The following ADAMTS2 variants were observed in gnomAD, a reference collection of about 807,000 sequenced individuals.
The protein encoded by ADAMTS2 is ADAM metallopeptidase with thrombospondin type 1 motif 2.
A neutral mutation model predicts 123.0 loss-of-function variants in ADAMTS2; 50 were observed. That is an observed-to-expected ratio of 0.41 (90% confidence interval 0.32 to 0.51). The LOEUF is 0.51. ADAMTS2 is among the 20% of genes least tolerant of loss of function. The pLI is 0.35. For missense variants in ADAMTS2, 1,494 were observed against 1,705.2 expected (o/e 0.88, Z 2.18); for synonymous variants, 678 against 695.4 (o/e 0.98, Z 0.39).
chr5:179,206,039 G>GT (rs1260783670), intron 4 of ADAMTS2, among the ~76,000 whole-genome samples: 2 of 152,152 alleles, frequency 1.3e-5, no homozygotes, highest in Non-Finnish European at 1.5e-5. Flanking sequence ...GATTACAGGC[G>GT]TGAGCCACCG....
intron 4 of ADAMTS2, among the ~76,000 whole-genome samples, chr5:179,195,625 G>A (rs1764408843): frequency 6.6e-6 from 1 of 152,234 alleles, no homozygotes; most frequent in Admixed American, 6.5e-5. Flanking sequence ...GGTCGCCCGA[G>A]TCCCCACCAC....
chr5:179,341,793 A>G (rs1374050695), intron 2 of ADAMTS2, among the ~76,000 whole-genome samples: 1 of 152,042 alleles, frequency 6.6e-6, no homozygotes, highest in African/African-American at 2.4e-5. Context: ...ACAGCATTCA[A>G]TGCCGCTCAG....
intron 3 of ADAMTS2, among the ~76,000 whole-genome samples, chr5:179,245,040 A>C (rs1033876517): frequency 6.6e-6 from 1 of 152,240 alleles, no homozygotes. Flanking sequence ...GTAAAGGAAA[A>C]TTAACATTGT....
chr5:179,339,548 G>GTGACAAGT (rs969460676), intron 2 of ADAMTS2, among the ~76,000 whole-genome samples: 19 of 152,214 alleles, frequency 1.2e-4, no homozygotes, highest in Non-Finnish European at 2.2e-4. Context: ...AAGTCTTAAG[G>GTGACAAGT]TGACAAGTAT....
rs893001254 is a variant in ADAMTS2, at chr5:179,117,276, G to A, written c.3179-2952C>T. ...TACCCCATAGGCTTTGACAAAGGAGGGAGCCTGGGCCTGATGGTGCTGGGA... is the reference window on the plus strand; with the variant it reads ...TACCCCATAGGCTTTGACAAAGGAGAGAGCCTGGGCCTGATGGTGCTGGGA... On this transcript the variant is annotated intron_variant, in intron 21 of 21. Coordinates refer to ENST00000251582, the MANE Select transcript of ADAMTS2 (RefSeq NM_014244.5). This position sits in a 1 kb window ranked among gnomAD's most constrained non-coding sequence, Gnocchi z 4.2. 6.6e-6 allele frequency among the ~76,000 whole-genome samples: 1 copy of A among 152,174 alleles called. No individual in the cohort carries two copies. Among genetic ancestry groups the A allele is most frequent in the Non-Finnish European group, 1.5e-5 (1 of 68,046 alleles).
chr5:179,252,230 G>C (rs1395115320), intron 3 of ADAMTS2, among the ~76,000 whole-genome samples: 1 of 151,832 alleles, frequency 6.6e-6, no homozygotes, highest in Non-Finnish European at 1.5e-5. Flanking sequence ...GGCTGGTCTC[G>C]AACCCCTGAG....
chr5:179,337,057 C>T (rs1581290939), intron 2 of ADAMTS2, among the ~76,000 whole-genome samples: 2 of 152,330 alleles, frequency 1.3e-5, no homozygotes, highest in South Asian at 4.1e-4. Flanking sequence ...GAGCCAGCTC[C>T]GGGCTCGGTA....
chr5:179,338,731 C>T (rs1478773951), intron 2 of ADAMTS2, among the ~76,000 whole-genome samples: 2 of 152,124 alleles, frequency 1.3e-5, no homozygotes, highest in Admixed American at 6.5e-5. Context: ...TAAGTGAAGG[C>T]GTGACATGAG....
intron 2 of ADAMTS2, among the ~76,000 whole-genome samples, chr5:179,289,257 T>C (rs529216081): frequency 1.3e-5 from 2 of 151,924 alleles, no homozygotes; most frequent in Non-Finnish European, 1.5e-5. Context: ...CTGGGGCAAT[T>C]TGAACACAAT....
chr5:179,251,463 TGA>T (rs1314572717), intron 3 of ADAMTS2, among the ~76,000 whole-genome samples: 1 of 152,058 alleles, frequency 6.6e-6, no homozygotes, highest in Non-Finnish European at 1.5e-5. Flanking sequence ...GGTCTGCAGA[TGA>T]GAGTCAGAAA....
chr5:179,337,835 C>G (rs26810), intron 2 of ADAMTS2, among the ~76,000 whole-genome samples: 2 of 139,774 alleles, frequency 1.4e-5, no homozygotes, highest in Non-Finnish European at 3.2e-5. Context: ...TGGGTGAGGA[C>G]CTGGCCTTCA....
At chr5:179,146,265 C>G (rs11951329) in intron 10 of ADAMTS2, among the ~76,000 whole-genome samples, 27,051 of 152,208 alleles carry the variant, frequency 0.18, 2,943 homozygotes, top group African/African-American at 0.3. Context: ...CAGCACTTGG[C>G]CCTGGCATAT....
rs1757029156 is a variant in ADAMTS2, at chr5:179,317,359, G to A, written c.534+26408C>T. Among the ~76,000 whole-genome samples, 1 of 152,200 alleles carries A rather than the reference G, an allele frequency of 6.6e-6. No individual in the cohort carries two copies. On this transcript the variant is annotated intron_variant, in intron 2 of 21. Transcript: ENST00000251582. The surrounding 1 kb of genome is among the most constrained non-coding windows in gnomAD (Gnocchi z 4.9). ...AATATCACACATCTCATCCAAGCCT[G>A]CTCGGACGCTGCCCTTCTGACCCCG...
In ADAMTS2 at chr5:179,225,095, C is replaced by T. The variant is rs565525954; in HGVS notation, c.689-17380G>A. ...GATGTGTTTTATGGTGGAATCCTCA[C>T]GCAGGGGCCTGAGGAACACTCCCTG... On this transcript the variant is annotated intron_variant, in intron 3 of 21. Transcript: ENST00000251582. The surrounding 1 kb of genome is among the most constrained non-coding windows in gnomAD (Gnocchi z 4.5). 7.9e-5 allele frequency among the ~76,000 whole-genome samples: 12 copies of T among 152,268 alleles called. No individual in the cohort carries two copies. Among genetic ancestry groups the T allele is most frequent in the South Asian group, 2.1e-4 (1 of 4,828 alleles).
intron 2 of ADAMTS2, among the ~76,000 whole-genome samples, chr5:179,284,021 T>C (rs894861412): frequency 6.7e-6 from 1 of 150,100 alleles, no homozygotes; most frequent in African/African-American, 2.4e-5. Context: ...GACAGAGAGA[T>C]ACCCTGTCTC....
intron 2 of ADAMTS2, among the ~76,000 whole-genome samples, chr5:179,319,190 GACGCATGCAC>G (rs58775374): frequency 0.016 from 2,430 of 151,490 alleles, 54 homozygotes; most frequent in African/African-American, 0.056. Flanking sequence ...GCACCATGCA[GACGCATGCAC>G]ACACACATCA....
At chr5:179,315,576 G>A (rs557780582) in intron 2 of ADAMTS2, among the ~76,000 whole-genome samples, 86 of 152,350 alleles carry the variant, frequency 5.6e-4, no homozygotes, top group Non-Finnish European at 1.0e-3. Context: ...CTCCACCTCC[G>A]GGGACACGAG....
In ADAMTS2 at chr5:179,317,101, A is replaced by T. The variant is rs1474287399; in HGVS notation, c.534+26666T>A. ...CAGACAATTACAGGAACACAAGGAC[A>T]AAGCCCAGAGCCCCAACCCCACGTG... On this transcript the variant is annotated intron_variant, in intron 2 of 21. Transcript: ENST00000251582. This position sits in a 1 kb window ranked among gnomAD's most constrained non-coding sequence, Gnocchi z 4.9. Among the ~76,000 whole-genome samples, 1 of 152,292 alleles carries T rather than the reference A, an allele frequency of 6.6e-6. No homozygotes were observed. Among genetic ancestry groups the T allele is most frequent in the South Asian group, 2.1e-4 (1 of 4,828 alleles).
rs905649339 is a variant in ADAMTS2, at chr5:179,180,132, T to A, written c.975+940A>T. Among the ~76,000 whole-genome samples, 1 of 152,160 alleles carries A rather than the reference T, an allele frequency of 6.6e-6. No homozygotes were observed. The highest frequency in any genetic ancestry group is 1.5e-5 in the Non-Finnish European group (1 of 68,026). On this transcript the variant is annotated intron_variant, in intron 5 of 21. Coordinates refer to ENST00000251582, the MANE Select transcript of ADAMTS2 (RefSeq NM_014244.5). This position sits in a 1 kb window ranked among gnomAD's most constrained non-coding sequence, Gnocchi z 4.6. ...CTGCCCTGTAGATTAAGGGCATTCA[T>A]CCATACAAAGTGCTTCCCACACGGC...
Sources: gnomAD v4.1 joint callset for allele counts (sites outside exome capture counted in the v4.1 genomes callset) on GRCh38, gnomAD v4.1.1 for gene constraint, Gnocchi (gnomAD v3.1) non-coding constraint, MANE v1.5 for transcripts, NCBI Gene and HGNC (gene_info 2026-07-23, HGNC 2026-07-21) for gene names.